The following RGS8 variants were observed in gnomAD, a reference collection of about 807,000 sequenced individuals.
The protein encoded by RGS8 is regulator of G protein signaling 8.
RGS8 carries 8 observed loss-of-function variants against 21.7 expected under a neutral mutation model. The observed-to-expected ratio is 0.37, with a 90% CI of 0.22 to 0.66. The LOEUF (loss-of-function observed/expected upper bound fraction) is 0.66. Ranked by LOEUF, RGS8 falls within the 30% of genes least tolerant of loss-of-function variation. The pLI, the probability that RGS8 is intolerant of heterozygous loss-of-function variation, is 0.59. For missense variants in RGS8, 157 were observed against 217.9 expected (o/e 0.72, Z 1.76); for synonymous variants, 80 against 83.6 (o/e 0.96, Z 0.24).
chr1:182,715,903 T>C, the RGS8 span, among the ~76,000 whole-genome samples: 6,301 of 152,184 alleles, frequency 0.041, 185 homozygotes, highest in East Asian at 0.11. Flanking sequence ...AAACACAATA[T>C]AGTCACCCTT....
chr1:182,691,721 G>A, the RGS8 span, among the ~76,000 whole-genome samples: 9 of 151,248 alleles, frequency 6.0e-5, no homozygotes, highest in South Asian at 4.2e-4. Context: ...CATACTGGAT[G>A]GGCAAAAGCT....
the RGS8 span, among the ~76,000 whole-genome samples, chr1:182,726,047 C>T: frequency 6.6e-6 from 1 of 152,154 alleles, no homozygotes. Context: ...GCCTCTGGAT[C>T]TTTAACATCT....
At chr1:182,734,032 T>G in the RGS8 span, among the ~76,000 whole-genome samples, 2 of 151,978 alleles carry the variant, frequency 1.3e-5, no homozygotes, top group Non-Finnish European at 2.9e-5. Flanking sequence ...GCAATTCTCC[T>G]GCCTCAGCCT....
chr1:182,707,436 A>G, the RGS8 span, among the ~76,000 whole-genome samples: 1 of 152,200 alleles, frequency 6.6e-6, no homozygotes, highest in Non-Finnish European at 1.5e-5. Context: ...TCAAGTATGA[A>G]GCAGGGGAAG....
At chr1:182,655,031 T>A (rs145452164) in intron 5 of RGS8, among the ~76,000 whole-genome samples, 1 of 152,318 alleles carries the variant, frequency 6.6e-6, no homozygotes, top group East Asian at 1.9e-4. Flanking sequence ...CCGCACCTAG[T>A]GGTTTATGAA....
chr1:182,750,869 C>T, the RGS8 span, among the ~76,000 whole-genome samples: 4 of 151,868 alleles, frequency 2.6e-5, no homozygotes, highest in South Asian at 4.1e-4. Context: ...AAATAAACAG[C>T]TACAACTTAA....
chr1:182,722,458 T>A, the RGS8 span, among the ~76,000 whole-genome samples: 1 of 151,356 alleles, frequency 6.6e-6, no homozygotes. Context: ...AACCAAGGTG[T>A]CAGCCTGCCA....
chr1:182,670,399 G>A (rs1664097989), intron 2 of RGS8, among the ~76,000 whole-genome samples: 1 of 152,230 alleles, frequency 6.6e-6, no homozygotes, highest in African/African-American at 2.4e-5. Flanking sequence ...TTCTTGACGC[G>A]AAGCAGGAAG....
At chr1:182,728,357 G>A in the RGS8 span, among the ~76,000 whole-genome samples, 2,042 of 152,238 alleles carry the variant, frequency 0.013, 46 homozygotes, top group African/African-American at 0.047. Flanking sequence ...TACATAAGAA[G>A]ACAAGATATT....
the RGS8 span, among the ~76,000 whole-genome samples, chr1:182,743,865 C>CAT: frequency 2.8e-4 from 43 of 152,226 alleles, no homozygotes; most frequent in Non-Finnish European, 5.0e-4. Context: ...TACCCACACA[C>CAT]ATATACACAC....
At chr1:182,644,261 A>G (rs1227776315), downstream of RGS8, 2 of 152,366 alleles carry the variant, frequency 1.3e-5, no homozygotes, top group Non-Finnish European at 2.9e-5. Context: ...GAAGCAGGGC[A>G]TACAAGGTAT....
intron 5 of RGS8, among the ~76,000 whole-genome samples, chr1:182,659,569 G>A (rs1386053243): frequency 6.6e-6 from 1 of 152,098 alleles, no homozygotes; most frequent in African/African-American, 2.4e-5. Flanking sequence ...CATGGTGGCA[G>A]GCGCTTCTAA....
At chr1:182,705,151 G>A in the RGS8 span, among the ~76,000 whole-genome samples, 2 of 152,158 alleles carry the variant, frequency 1.3e-5, no homozygotes, top group Non-Finnish European at 2.9e-5. Context: ...ATTGGCTTAC[G>A]TGATTATGAA....
chr1:182,725,485 G>A, the RGS8 span, among the ~76,000 whole-genome samples: 3 of 152,252 alleles, frequency 2.0e-5, no homozygotes, highest in South Asian at 6.2e-4. Context: ...AAAGCCAGCT[G>A]GCCATCCAGC....
the RGS8 span, among the ~76,000 whole-genome samples, chr1:182,720,890 C>A: frequency 1.1e-5 from 1 of 90,586 alleles, no homozygotes; most frequent in Non-Finnish European, 2.3e-5. Flanking sequence ...TATATATATA[C>A]ACATATATAT....
At chr1:182,746,870 C>A in the RGS8 span, among the ~76,000 whole-genome samples, 1 of 151,852 alleles carries the variant, frequency 6.6e-6, no homozygotes, top group Non-Finnish European at 1.5e-5. Flanking sequence ...ATAGGAAATG[C>A]ATCAGATGCT....
At chr1:182,696,122 T>C in the RGS8 span, among the ~76,000 whole-genome samples, 1 of 152,122 alleles carries the variant, frequency 6.6e-6, no homozygotes, top group Non-Finnish European at 1.5e-5. Context: ...ACAATCTTGG[T>C]TTCTTCTCTA....
At chr1:182,724,236 A>ATATG in the RGS8 span, among the ~76,000 whole-genome samples, 21 of 120,736 alleles carry the variant, frequency 1.7e-4, 1 homozygote, top group Admixed American at 1.6e-4. Flanking sequence ...ATATATATAT[A>ATATG]TATATATATA....
At chr1:182,744,585 A>C in the RGS8 span, among the ~76,000 whole-genome samples, 1 of 152,216 alleles carries the variant, frequency 6.6e-6, no homozygotes, top group Admixed American at 6.5e-5. Flanking sequence ...GTAACGTATT[A>C]CCTTTTCTAT....
Sources: gnomAD v4.1 joint callset for allele counts (sites outside exome capture counted in the v4.1 genomes callset) on GRCh38, gnomAD v4.1.1 for gene constraint, MANE v1.5 for transcripts, NCBI Gene and HGNC (gene_info 2026-07-23, HGNC 2026-07-21) for gene names.